The following TCF25 variants were observed in gnomAD, a reference collection of about 807,000 sequenced individuals.
The protein encoded by TCF25 is TCF25 ribosome quality control complex subunit.
A neutral mutation model predicts 83.1 loss-of-function variants in TCF25; 41 were observed. The observed-to-expected ratio is 0.49, with a 90% CI of 0.38 to 0.64. The LOEUF (loss-of-function observed/expected upper bound fraction) is 0.64. Ranked by LOEUF, TCF25 falls within the 30% of genes least tolerant of loss-of-function variation. The pLI, the probability that TCF25 is intolerant of heterozygous loss-of-function variation, is 0.00. For missense variants in TCF25, 979 were observed against 914.5 expected (o/e 1.07, Z -0.91); for synonymous variants, 458 against 365.0 (o/e 1.25, Z -2.90).
rs147838476 is a variant in TCF25 at position 89,893,627 on chromosome 16, G to C, written c.698-101G>C. The C allele has an allele frequency of 6.4e-6, 10 of 1,573,790 alleles. No individual in the cohort carries two copies. The African/African-American group carries it at 1.2e-4, about 19-fold the overall frequency. On this transcript the variant is annotated intron_variant, in intron 6 of 17. Transcript: ENST00000263346. Reference sequence around the variant, plus strand: ...CACTCAGGTCAAGTTTGTCGATATCGCAGAGGCCTCATCCAGAACACCACG... The same window carrying C: ...CACTCAGGTCAAGTTTGTCGATATCCCAGAGGCCTCATCCAGAACACCACG...
At chr16:89,886,411 C>A (rs2043020809) in intron 4 of TCF25, among the ~76,000 whole-genome samples, 1 of 137,926 alleles carries the variant, frequency 7.3e-6, no homozygotes, top group Non-Finnish European at 1.6e-5. Context: ...CTGGGCAACA[C>A]TGCGAGACTG....
chr16:89,910,776 C>A, intron 17 of TCF25, 113 bp downstream of exon 17: 1 of 1,250,016 alleles, frequency 8.0e-7, no homozygotes, highest in South Asian at 1.3e-5. Context: ...GCACAGGGAG[C>A]AGGGAAGGAC....
At chr16:89,875,428 G>C (rs930049131) in intron 1 of TCF25, among the ~76,000 whole-genome samples, 3 of 150,264 alleles carry the variant, frequency 2.0e-5, no homozygotes, top group African/African-American at 7.4e-5. Context: ...TAATTTCTGC[G>C]TGCTGAAAGA....
chr16:89,900,783 T>C lies in TCF25; in HGVS notation c.1370T>C (p.Met457Thr). 1 of 1,579,364 alleles carries C rather than the reference T, an allele frequency of 6.3e-7. No individual in the cohort carries two copies. The highest frequency in any genetic ancestry group is 1.1e-5 in the South Asian group (1 of 89,880). The change falls in exon 12 of 18, where the codon ATG (methionine) becomes ACG (threonine). Residue 457 changes from methionine (M) to threonine (T), a missense_variant. By Grantham distance (81) the Met-to-Thr change is moderately conservative. Coordinates refer to ENST00000263346, the MANE Select transcript of TCF25 (RefSeq NM_014972.3). The part of the protein sequence containing the change: ...ASLLIQQALT[M>T]FPGVLLPLLE... ...CTCCTGATACAGCAGGCGCTCACCA[T>C]GTTCCCTGGAGGTGAGTGAGCGCTG...
At chr16:89,891,416 C>T (rs374116018) in intron 5 of TCF25, among the ~76,000 whole-genome samples, 2 of 152,212 alleles carry the variant, frequency 1.3e-5, no homozygotes, top group African/African-American at 4.8e-5. Context: ...GAGCCCGGGG[C>T]CAGGGCAGGG....
At position 89,884,564 on chromosome 16, in the gene TCF25, A is replaced by G. The variant is rs1323761740; in HGVS notation, c.355-18A>G. The stretch of plus-strand genomic sequence containing the variant: ...TTTACTTCTCATTCTACTGATGAAA[A>G]TGTGTTTCTATCATTAGTCTCATGC... On this transcript the variant is annotated intron_variant, in intron 2 of 17. Transcript: ENST00000263346. 14 of 1,611,622 alleles carry G rather than the reference A, an allele frequency of 8.7e-6. No homozygotes were observed. Among genetic ancestry groups the G allele is most frequent in the Non-Finnish European group, 1.2e-5 (14 of 1,178,548 alleles).
At chr16:89,897,971 C>T (rs1326233416) in intron 9 of TCF25, among the ~76,000 whole-genome samples, 4 of 151,974 alleles carry the variant, frequency 2.6e-5, no homozygotes, top group Non-Finnish European at 5.9e-5. Context: ...GGTGTGGTGG[C>T]GGGTGCCTGT....
intron 5 of TCF25, among the ~76,000 whole-genome samples, chr16:89,890,790 A>G (rs1333119086): frequency 3.3e-5 from 5 of 152,136 alleles, no homozygotes; most frequent in Admixed American, 1.3e-4. Context: ...AACTGTTAAT[A>G]CTGATTACTC....
At chr16:89,885,723 T>C (rs1368808147) in intron 3 of TCF25, 125 bp from the exon 4 acceptor site, 2 of 788,642 alleles carry the variant, frequency 2.5e-6, no homozygotes, top group Non-Finnish European at 4.2e-6. Flanking sequence ...GTGTTTGACT[T>C]ATGCTGTCCT....
In TCF25 at chr16:89,878,559, C is replaced by T. The variant is rs1253057769; in HGVS notation, c.192+4700C>T. On this transcript the variant is annotated intron_variant, in intron 1 of 17. Transcript: ENST00000263346. ...GAGCTTTATCCTAAAGAAGATCAGT[C>T]GTGGACAAGAACCTTGTGAAATGTT... 50 of 1,198,572 alleles carry T rather than the reference C, an allele frequency of 4.2e-5. 1 individual carries two copies. The highest frequency in any genetic ancestry group is 1.3e-4 in the East Asian group (2 of 15,584). The allele number at this position is 1,198,572 out of a possible 1,614,324, so 74.2% of individuals were successfully genotyped here. A position where few individuals can be genotyped will look rare whatever the true frequency, so the allele number is the denominator to read the frequency against.
At chr16:89,890,704 T>G (rs2043362285) in intron 5 of TCF25, 1 of 152,210 alleles carries the variant, frequency 6.6e-6, no homozygotes, top group Non-Finnish European at 1.5e-5. Context: ...CTGCTTGGTC[T>G]GTCTTGGTCA....
intron 16 of TCF25, chr16:89,910,235 G>C (rs1011631909): frequency 3.3e-6 from 1 of 303,448 alleles, no homozygotes; most frequent in Non-Finnish European, 6.3e-6. Flanking sequence ...CTGCCTTTGC[G>C]TAAGGAGTGG....
intron 1 of TCF25, among the ~76,000 whole-genome samples, chr16:89,878,807 GT>G (rs1222884978): frequency 4.6e-5 from 7 of 152,040 alleles, no homozygotes; most frequent in African/African-American, 1.7e-4. Flanking sequence ...CGCCCGGCAA[GT>G]TTTTTTGTAT....
intron 6 of TCF25, 106 bp from the exon 7 acceptor site, chr16:89,893,622 A>G: frequency 6.4e-7 from 1 of 1,563,632 alleles, no homozygotes; most frequent in Non-Finnish European, 8.7e-7. Flanking sequence ...AAGTTTGTCG[A>G]TATCGCAGAG....
chr16:89,907,399 CCCAGCTCCAACCTT>C, intron 16 of TCF25, 77 bp downstream of exon 16: 1 of 462,954 alleles, frequency 2.2e-6, no homozygotes, highest in African/African-American at 2.2e-5. Flanking sequence ...GCTCCCACCT[CCCAGCTCCAACCTT>C]CCAGCTCCCA....
chr16:89,895,352 G>GC (rs2043766289), intron 8 of TCF25, among the ~76,000 whole-genome samples: 1 of 152,062 alleles, frequency 6.6e-6, no homozygotes, highest in African/African-American at 2.4e-5. Flanking sequence ...GACTACAGGC[G>GC]CCCGCCACCA....
chr16:89,905,047 C>T lies in TCF25; in HGVS notation c.1579C>T (p.Leu527=). ...SWLEENVHEV[L]QAVDAGDPAV... is the part of the protein sequence containing the mutation. ...GCTGGAGGAGAACGTCCACGAGGTT[C>T]TGCAAGCAGTGGACGCCGGGGACCC... is the stretch of plus-strand genomic sequence containing the variant. Residue 527 remains leucine (L), a synonymous_variant, in exon 14 of 18, where the codon CTG becomes TTG. Coordinates refer to ENST00000263346, the MANE Select transcript of TCF25 (RefSeq NM_014972.3). 1.9e-6 allele frequency: 3 copies of T among 1,603,546 alleles called. No individual in the cohort carries two copies. The highest frequency in any genetic ancestry group is 3.4e-5 in the Admixed American group (2 of 58,686).
chr16:89,900,913 T>G, intron 12 of TCF25, 119 bp downstream of exon 12: 1 of 1,188,224 alleles, frequency 8.4e-7, no homozygotes, highest in Non-Finnish European at 1.1e-6. Context: ...AAACATGCAT[T>G]CTCTGGTAGG....
intron 8 of TCF25, among the ~76,000 whole-genome samples, chr16:89,895,646 C>T (rs890932297): frequency 3.9e-5 from 6 of 152,210 alleles, no homozygotes; most frequent in African/African-American, 1.2e-4. Flanking sequence ...AGTTGACGGC[C>T]GTGTGGGCTG....
Sources: allele counts gnomAD v4.1 joint callset (sites outside exome capture counted in the v4.1 genomes callset), GRCh38; gene constraint gnomAD v4.1.1; transcripts MANE v1.5; gene names NCBI Gene and HGNC (gene_info 2026-07-23, HGNC 2026-07-21).